Variants in PIEZO2 observed in about 807,000 individuals in gnomAD.
PIEZO2 encodes the protein piezo type mechanosensitive ion channel component 2.
Under a neutral mutation model 337.3 loss-of-function variants are expected in PIEZO2, and 172 were observed. The ratio of observed to expected loss-of-function variants is 0.51; its 90% CI spans 0.45 to 0.58. The LOEUF (loss-of-function observed/expected upper bound fraction) is 0.58. Ranked by LOEUF, PIEZO2 falls within the 20% of genes least tolerant of loss-of-function variation. The probability of loss-of-function intolerance (pLI) is 0.00; values close to 1 mark genes in which losing one functional copy is unlikely to be tolerated. For synonymous variants in PIEZO2, 1,251 were observed against 1,228.5 expected (o/e 1.02, Z -0.38); for missense variants, 3,028 against 3,391.3 (o/e 0.89, Z 2.66).
chr18:11,030,560 G>A (rs986341608), intron 2 of PIEZO2, among the ~76,000 whole-genome samples: 2 of 152,170 alleles, frequency 1.3e-5, no homozygotes, highest in Non-Finnish European at 2.9e-5. Flanking sequence ...TCACCATGAT[G>A]TTGCTGTCAA....
At chr18:11,076,278 A>C (rs868765567) in intron 1 of PIEZO2, among the ~76,000 whole-genome samples, 3 of 152,254 alleles carry the variant, frequency 2.0e-5, no homozygotes, top group African/African-American at 7.2e-5. Context: ...TAATTTCATT[A>C]AATAAATTAT....
At chr18:10,983,868 A>G (rs1377748946) in intron 2 of PIEZO2, among the ~76,000 whole-genome samples, 3 of 152,190 alleles carry the variant, frequency 2.0e-5, no homozygotes, top group Non-Finnish European at 2.9e-5. Flanking sequence ...AACGTTCAGT[A>G]CTTCAGGGCA....
At chr18:10,931,676 T>A (rs1330357694) in intron 3 of PIEZO2, among the ~76,000 whole-genome samples, 1 of 150,214 alleles carries the variant, frequency 6.7e-6, no homozygotes, top group Non-Finnish European at 1.5e-5. Context: ...TCCCTCTCAT[T>A]CTCTCACTCT....
At chr18:10,893,718 C>A (rs531892166) in intron 4 of PIEZO2, 1 of 152,286 alleles carries the variant, frequency 6.6e-6, no homozygotes, top group African/African-American at 2.4e-5. Context: ...TATAAGAAAT[C>A]ATCATTTATT....
At position 11,132,622 on chromosome 18, in the gene PIEZO2, C is replaced by T. The variant is rs149585542; in HGVS notation, c.64+15903G>A. Among the ~76,000 whole-genome samples the T allele has an allele frequency of 4.6e-3, 699 of 152,140 alleles. 5 individuals carry two copies. The highest frequency in any genetic ancestry group is 0.016 in the African/African-American group (673 of 41,498). ...TAGCAAAATTTTTGCTTCCTGTTCC[C>T]GTGACATTACGTTCTGCTGGCCTAG... On this transcript the variant is annotated intron_variant, in intron 1 of 55. Coordinates refer to ENST00000674853, the MANE Select transcript of PIEZO2 (RefSeq NM_001378183.1). This position sits in a 1 kb window ranked among gnomAD's most constrained non-coding sequence, Gnocchi z 4.7.
chr18:10,948,644 T>C lies in PIEZO2; in HGVS notation c.286+30891A>G, dbSNP rs149160391. On this transcript the variant is annotated intron_variant, in intron 3 of 55. Transcript: ENST00000674853. ...CGCTCGAGTGCTGTGGGGTACTGTG[T>C]GCAAATTTAAGCTTGCAGAGGGGGA... is the stretch of plus-strand genomic sequence containing the variant. Among the ~76,000 whole-genome samples the C allele has an allele frequency of 8.1e-4, 123 of 152,266 alleles. 3 individuals carry two copies. In the East Asian group the frequency reaches 0.015, roughly 18 times the overall value.
At chr18:11,015,814 G>A (rs1179575221) in intron 2 of PIEZO2, among the ~76,000 whole-genome samples, 10 of 152,100 alleles carry the variant, frequency 6.6e-5, no homozygotes, top group African/African-American at 2.4e-5. Context: ...CAATAAACAC[G>A]AACACACACA....
chr18:10,742,572 T>C lies in PIEZO2; in HGVS notation c.4558A>G (p.Lys1520Glu), dbSNP rs536580946. Reference protein sequence around the residue: ...KARQQKYKKGKERMLSLTQEP... With the variant: ...KARQQKYKKGEERMLSLTQEP... ...TGGGTCAAGCTCAGCATCCTCTCCTTACCCTTTTTATATTTCTGTTGCCTG... is the reference window on the plus strand; with the variant it reads ...TGGGTCAAGCTCAGCATCCTCTCCTCACCCTTTTTATATTTCTGTTGCCTG... The change falls in exon 32 of 56, where the codon AAG becomes GAG. Residue 1520 changes from lysine (K) to glutamate (E), a missense_variant. Coordinates refer to ENST00000674853, the MANE Select transcript of PIEZO2 (RefSeq NM_001378183.1). 6.5e-6 allele frequency: 10 copies of C among 1,537,180 alleles called. No individual in the cohort carries two copies. In the East Asian group the frequency reaches 2.4e-4, roughly 38 times the overall value.
At position 10,784,686 on chromosome 18, in the gene PIEZO2, T is replaced by A; in HGVS notation, c.2492+98A>T. ...TCATGGAAAATTCAAGGCTGAAACTTTTAGATTACTGGCTTCTCGCAAGGT... is the reference window on the plus strand; with the variant it reads ...TCATGGAAAATTCAAGGCTGAAACTATTAGATTACTGGCTTCTCGCAAGGT... On this transcript the variant is annotated intron_variant, in intron 17 of 55. Transcript: ENST00000674853. The surrounding 1 kb of genome is among the most constrained non-coding windows in gnomAD (Gnocchi z 4.5). 8.4e-7 allele frequency: 1 copy of A among 1,197,150 alleles called. No individual in the cohort carries two copies. Among genetic ancestry groups the A allele is most frequent in the Non-Finnish European group, 1.1e-6 (1 of 897,664 alleles). The allele number at this position is 1,197,150 out of a possible 1,614,324, so 74.2% of individuals were successfully genotyped here.
Position 10,794,813 on chromosome 18 carries a change from C to T in PIEZO2, c.1717G>A (p.Gly573Arg). ...FELPEIKKVP[G>R]FLEKKEPGEL... ...CCTGGCTCTTTCTTTTCTAAAAATC[C>T]TGGAACTTTTTTAATTTCAGGAAGT... The change falls in exon 13 of 56, where the codon GGA (glycine) becomes AGA (arginine). Residue 573 changes from glycine (G) to arginine (R), a missense_variant. Physicochemically the swap from Gly to Arg is moderately radical, Grantham distance 125. Transcript: ENST00000674853. This position sits in a 1 kb window ranked among gnomAD's most constrained non-coding sequence, Gnocchi z 6.6. The T allele has an allele frequency of 1.3e-6, 2 of 1,536,048 alleles. No homozygotes were observed. Among genetic ancestry groups the T allele is most frequent in the Non-Finnish European group, 1.7e-6 (2 of 1,146,482 alleles).
chr18:10,999,295 T>C (rs1022527358), intron 2 of PIEZO2, among the ~76,000 whole-genome samples: 3 of 152,156 alleles, frequency 2.0e-5, no homozygotes, highest in African/African-American at 7.2e-5. Flanking sequence ...CACCTCCAAG[T>C]TGATATTTTG....
In PIEZO2 at chr18:11,076,631, C is replaced by T. The variant is rs138825891; in HGVS notation, c.65-10409G>A. On this transcript the variant is annotated intron_variant, in intron 1 of 55. Coordinates refer to ENST00000674853, the MANE Select transcript of PIEZO2 (RefSeq NM_001378183.1). ...AAAGGTAGGATTCTGTTATCTATGTCAACATATACACTTATCAGATCAAAT... is the reference window on the plus strand; with the variant it reads ...AAAGGTAGGATTCTGTTATCTATGTTAACATATACACTTATCAGATCAAAT... Among the ~76,000 whole-genome samples the T allele has an allele frequency of 5.3e-3, 810 of 151,864 alleles. 7 individuals carry two copies. Among genetic ancestry groups the T allele is most frequent in the South Asian group, 0.021 (103 of 4,804 alleles).
intron 30 of PIEZO2, among the ~76,000 whole-genome samples, chr18:10,747,701 T>C (rs1449868511): frequency 1.3e-5 from 2 of 152,158 alleles, no homozygotes; most frequent in Non-Finnish European, 2.9e-5. Flanking sequence ...TAAATGGACC[T>C]TGGAAATAAA....
intron 2 of PIEZO2, among the ~76,000 whole-genome samples, chr18:11,034,423 G>C (rs933084894): frequency 3.0e-4 from 46 of 152,004 alleles, no homozygotes; most frequent in Non-Finnish European, 5.0e-4. Flanking sequence ...CTCCTGAGTA[G>C]CTGGGACTAC....
Position 10,856,910 on chromosome 18 carries a change from T to C in PIEZO2, c.703+91A>G. ...GATATTCATGTGGTGGAACAGACTG[T>C]TTCCTTCATTTCTTCTTCAACCATT... On this transcript the variant is annotated intron_variant, in intron 6 of 55. Coordinates refer to ENST00000674853, the MANE Select transcript of PIEZO2 (RefSeq NM_001378183.1). This position sits in a 1 kb window ranked among gnomAD's most constrained non-coding sequence, Gnocchi z 4.7. 8.4e-7 allele frequency: 1 copy of C among 1,187,260 alleles called. No homozygotes were observed. The highest frequency in any genetic ancestry group is 1.2e-6 in the Non-Finnish European group (1 of 838,610). The allele number at this position is 1,187,260 out of a possible 1,614,324, so 73.5% of individuals were successfully genotyped here.
In PIEZO2 at chr18:10,672,763, A is replaced by G; in HGVS notation, c.8272T>C (p.Ser2758Pro). Residue 2758 changes from serine (S) to proline (P), a missense_variant, in exon 55 of 56, where the codon TCT (serine) becomes CCT (proline). Ser to Pro is a moderately conservative substitution (Grantham distance 74). Around this residue, in one of 5 missense-constraint regions of PIEZO2, gnomAD observed 332 missense variants for 363.8 expected, o/e 0.91. Coordinates refer to ENST00000674853, the MANE Select transcript of PIEZO2 (RefSeq NM_001378183.1). This position sits in a 1 kb window ranked among gnomAD's most constrained non-coding sequence, Gnocchi z 4.7. Reference protein sequence around the residue: ...LTGNRIYNPNSQALELVVFND... With the variant: ...LTGNRIYNPNPQALELVVFND... ...AAGACCACCAGTTCCAGGGCCTGAG[A>G]GTTCGGATTGTATATTCTGTTTCCA... 1 of 1,614,124 alleles carries G rather than the reference A, an allele frequency of 6.2e-7. No individual in the cohort carries two copies. The highest frequency in any genetic ancestry group is 8.5e-7 in the Non-Finnish European group (1 of 1,180,000).
chr18:10,867,236 C>T (rs562647713), intron 5 of PIEZO2, among the ~76,000 whole-genome samples: 1 of 152,146 alleles, frequency 6.6e-6, no homozygotes, highest in Non-Finnish European at 1.5e-5. Context: ...TAGAACTGAG[C>T]ACATGTTGAA....
At chr18:11,005,381 T>C (rs2035682164) in intron 2 of PIEZO2, among the ~76,000 whole-genome samples, 1 of 152,244 alleles carries the variant, frequency 6.6e-6, no homozygotes, top group Admixed American at 6.5e-5. Flanking sequence ...ATTTTTTTCC[T>C]TTCACATATC....
intron 39 of PIEZO2, among the ~76,000 whole-genome samples, chr18:10,711,341 G>A (rs535271464): frequency 1.3e-5 from 2 of 152,172 alleles, no homozygotes; most frequent in South Asian, 4.2e-4. Flanking sequence ...AATATTCTCT[G>A]AGGCCACTGA....
Sources: gnomAD v4.1 joint callset for allele counts (sites outside exome capture counted in the v4.1 genomes callset) on GRCh38, gnomAD v4.1.1 for gene constraint, gnomAD v4.1.1 regional missense constraint, Gnocchi (gnomAD v3.1) non-coding constraint, MANE v1.5 for transcripts, NCBI Gene and HGNC (gene_info 2026-07-23, HGNC 2026-07-21) for gene names.